Variants in TRIO observed in about 807,000 individuals in gnomAD.
TRIO encodes the protein trio Rho guanine nucleotide exchange factor.
TRIO carries 58 observed loss-of-function variants against 351.9 expected under a neutral mutation model. That is an observed-to-expected ratio of 0.16 (90% CI 0.13 to 0.21). The LOEUF is 0.21. TRIO is among the 10% of genes least tolerant of loss of function. TRIO has a pLI of 1.00. For synonymous variants in TRIO, 1,758 were observed against 1,595.7 expected (o/e 1.10, Z -2.42); for missense variants, 3,201 against 4,027.8 (o/e 0.79, Z 5.56).
Position 14,478,387 on chromosome 5 carries a change from C to G in TRIO, c.6154-874C>G, listed in dbSNP as rs144096204. Among the ~76,000 whole-genome samples the G allele has an allele frequency of 4.8e-3, 737 of 152,224 alleles. 7 individuals are homozygous for G. The highest frequency in any genetic ancestry group is 0.017 in the African/African-American group (701 of 41,534). ...TGGTTTTGCACATCAGCACAGATGTCAGCACAACAAAAAGGACAACTGACA... is the reference window on the plus strand; with the variant it reads ...TGGTTTTGCACATCAGCACAGATGTGAGCACAACAAAAAGGACAACTGACA... On this transcript the variant is annotated intron_variant, in intron 41 of 56. Coordinates refer to ENST00000344204, the MANE Select transcript of TRIO (RefSeq NM_007118.4).
intron 9 of TRIO, among the ~76,000 whole-genome samples, chr5:14,328,711 A>T (rs1740634592): frequency 6.6e-6 from 1 of 152,228 alleles, no homozygotes. Context: ...TCGAATGCTG[A>T]CAACTACCTG....
chr5:14,318,621 C>G (rs1445530559), intron 9 of TRIO, among the ~76,000 whole-genome samples: 1 of 151,942 alleles, frequency 6.6e-6, no homozygotes, highest in African/African-American at 2.4e-5. Flanking sequence ...TGTTTTAGTC[C>G]AAGAAGATAA....
At chr5:14,354,479 T>A (rs928207128) in intron 11 of TRIO, among the ~76,000 whole-genome samples, 1 of 152,112 alleles carries the variant, frequency 6.6e-6, no homozygotes, top group Non-Finnish European at 1.5e-5. Context: ...TGTCACTGAG[T>A]GACCCGGACG....
intron 27 of TRIO, 25 bp from the exon 28 acceptor site, chr5:14,394,011 CTT>C (rs1747341521): frequency 6.5e-7 from 1 of 1,536,766 alleles, no homozygotes; most frequent in Non-Finnish European, 9.0e-7. Context: ...TATGATAACT[CTT>C]GTTTCTTGTT....
chr5:14,400,401 C>T (rs1012373957), intron 30 of TRIO, among the ~76,000 whole-genome samples: 1 of 152,126 alleles, frequency 6.6e-6, no homozygotes, highest in African/African-American at 2.4e-5. Flanking sequence ...GGGGGAGGGG[C>T]TGAAGCTATT....
chr5:14,282,248 A>C (rs1481553271), intron 3 of TRIO, among the ~76,000 whole-genome samples: 4 of 152,228 alleles, frequency 2.6e-5, no homozygotes, highest in Non-Finnish European at 5.9e-5. Context: ...ATTTATAAAT[A>C]AAAATAGAGT....
chr5:14,350,418 A>C (rs538918987), intron 11 of TRIO, among the ~76,000 whole-genome samples: 2 of 152,260 alleles, frequency 1.3e-5, no homozygotes, highest in South Asian at 4.1e-4. Context: ...AATAAAAAAA[A>C]CCCCAAAGTC....
At chr5:14,323,247 A>C (rs1740046110) in intron 9 of TRIO, among the ~76,000 whole-genome samples, 2 of 152,122 alleles carry the variant, frequency 1.3e-5, no homozygotes, top group African/African-American at 2.4e-5. Flanking sequence ...ACACAATAGA[A>C]TTTGAAGCTG....
At chr5:14,456,672 T>C (rs2126468374) in intron 34 of TRIO, among the ~76,000 whole-genome samples, 1 of 152,268 alleles carries the variant, frequency 6.6e-6, no homozygotes, top group African/African-American at 2.4e-5. Context: ...TTTAAGATCT[T>C]CCCATGGAGA....
intron 8 of TRIO, among the ~76,000 whole-genome samples, chr5:14,316,049 T>C (rs979231816): frequency 4.6e-5 from 7 of 152,242 alleles, no homozygotes; most frequent in Non-Finnish European, 8.8e-5. Context: ...TAACTGAGGC[T>C]TTAAGGAACA....
Position 14,287,721 on chromosome 5 carries a change from A to ATGAT in TRIO, c.540+660_540+663dup, listed in dbSNP as rs531180983. ...CCTTCGGTGCAGTTAGTTTAATGAG[A>ATGAT]TGATTATGGGAGGAAAGTCTTCCTG... On this transcript the variant is annotated intron_variant, in intron 4 of 56. Coordinates refer to ENST00000344204, the MANE Select transcript of TRIO (RefSeq NM_007118.4). Among the ~76,000 whole-genome samples, 114 of 152,322 alleles carry ATGAT rather than the reference A, an allele frequency of 7.5e-4. 1 individual carries two copies. Among genetic ancestry groups the ATGAT allele is most frequent in the Non-Finnish European group, 1.3e-3 (86 of 68,028 alleles).
intron 21 of TRIO, among the ~76,000 whole-genome samples, chr5:14,385,342 C>T (rs943952006): frequency 6.6e-6 from 1 of 152,192 alleles, no homozygotes; most frequent in African/African-American, 2.4e-5. Flanking sequence ...GGAAACAACA[C>T]GGAGACCTAT....
chr5:14,457,469 C>G (rs26096), intron 34 of TRIO, among the ~76,000 whole-genome samples: 14,322 of 146,444 alleles, frequency 0.098, 812 homozygotes, highest in Admixed American at 0.19. Flanking sequence ...AGCAGGAAAT[C>G]TCTTTCGAAC....
chr5:14,470,020 G>A (rs1307966931), intron 37 of TRIO, among the ~76,000 whole-genome samples: 2 of 152,218 alleles, frequency 1.3e-5, no homozygotes, highest in Non-Finnish European at 2.9e-5. Flanking sequence ...TCTGATGAGC[G>A]TGAAACAAGC....
At chr5:14,314,169 T>C (rs1437526131) in intron 8 of TRIO, among the ~76,000 whole-genome samples, 1 of 152,252 alleles carries the variant, frequency 6.6e-6, no homozygotes, top group Admixed American at 6.5e-5. Context: ...ACTCCAATGA[T>C]ATAACACAAA....
At chr5:14,437,212 CTG>C (rs1355160058) in intron 34 of TRIO, among the ~76,000 whole-genome samples, 3 of 152,134 alleles carry the variant, frequency 2.0e-5, no homozygotes, top group African/African-American at 7.2e-5. Context: ...CTAATTATGA[CTG>C]TGAGACTCAG....
chr5:14,344,361 T>G (rs574878602), intron 11 of TRIO, among the ~76,000 whole-genome samples: 1 of 152,288 alleles, frequency 6.6e-6, no homozygotes, highest in Non-Finnish European at 1.5e-5. Flanking sequence ...AAAAAATACA[T>G]CTAGTCAATT....
intron 37 of TRIO, among the ~76,000 whole-genome samples, chr5:14,468,326 G>A (rs1419977305): frequency 6.6e-6 from 1 of 152,244 alleles, no homozygotes; most frequent in East Asian, 1.9e-4. Context: ...GATAGACTTG[G>A]GTTCACAGTC....
chr5:14,479,874 T>TGG lies in TRIO; in HGVS notation c.6244-45_6244-44insGG, dbSNP rs745531132. ...ATTACAAAGACTAAAAAATTGCCCT[T>TGG]TAATGAACAGCCCATACGATCTTTT... On this transcript the variant is annotated intron_variant, in intron 42 of 56. Coordinates refer to ENST00000344204, the MANE Select transcript of TRIO (RefSeq NM_007118.4). 10 of 1,587,394 alleles carry TGG rather than the reference T, an allele frequency of 6.3e-6. No individual in the cohort carries two copies. The South Asian group carries it at 1.0e-4, about 16-fold the overall frequency.
Sources: gnomAD v4.1 joint callset for allele counts (sites outside exome capture counted in the v4.1 genomes callset) on GRCh38, gnomAD v4.1.1 for gene constraint, MANE v1.5 for transcripts, NCBI Gene and HGNC (gene_info 2026-07-23, HGNC 2026-07-21) for gene names.